SP140L: variants seen among roughly 807,000 people sequenced by gnomAD.
SP140L encodes SP140 like nuclear body protein, also known as nuclear body protein SP140-like protein.
A neutral mutation model predicts 84.3 loss-of-function variants in SP140L; 64 were observed. The observed-to-expected ratio is 0.76, with a 90% CI of 0.62 to 0.94. SP140L has a LOEUF of 0.94. Among genes scored for constraint, SP140L ranks in the 40% least tolerant of loss-of-function variants. The pLI is 0.00. For synonymous variants in SP140L, 242 were observed against 236.9 expected (o/e 1.02, Z -0.20); for missense variants, 628 against 692.5 (o/e 0.91, Z 1.05).
At chr2:230,383,650 C>A (rs2149793884) in intron 8 of SP140L, 75 bp downstream of exon 8, 1 of 1,439,478 alleles carries the variant, frequency 6.9e-7, no homozygotes, top group Non-Finnish European at 9.5e-7. Flanking sequence ...GGAAGGCCTG[C>A]AGTTCACGAG....
intron 2 of SP140L, among the ~76,000 whole-genome samples, chr2:230,355,535 G>T (rs1357080588): frequency 6.6e-6 from 1 of 152,090 alleles, no homozygotes; most frequent in Non-Finnish European, 1.5e-5. Context: ...TTTTCTCATA[G>T]AAATTGACAA....
intron 14 of SP140L, among the ~76,000 whole-genome samples, chr2:230,397,015 C>T (rs1184991528): frequency 1.3e-5 from 2 of 152,198 alleles, no homozygotes; most frequent in Non-Finnish European, 2.9e-5. Flanking sequence ...TCAGTGGAAA[C>T]CCTCCAATAT....
At chr2:230,391,505 T>C (rs2061803320) in intron 11 of SP140L, among the ~76,000 whole-genome samples, 1 of 152,252 alleles carries the variant, frequency 6.6e-6, no homozygotes. Context: ...AACTTAATTT[T>C]TCTATTAGGT....
chr2:230,362,159 A>G (rs1339981393), intron 5 of SP140L, among the ~76,000 whole-genome samples: 1 of 152,116 alleles, frequency 6.6e-6, no homozygotes, highest in African/African-American at 2.4e-5. Context: ...CCCCACACCA[A>G]CCAGTTCTTC....
At chr2:230,385,061 G>A (rs1240927392) in intron 8 of SP140L, among the ~76,000 whole-genome samples, 163 bp from the exon 9 acceptor site, 2 of 152,180 alleles carry the variant, frequency 1.3e-5, no homozygotes, top group African/African-American at 2.4e-5. Context: ...TAAATTCTGT[G>A]TGTAATTTAG....
intron 2 of SP140L, among the ~76,000 whole-genome samples, chr2:230,350,258 A>G (rs1247737011): frequency 6.6e-6 from 1 of 152,202 alleles, no homozygotes; most frequent in Non-Finnish European, 1.5e-5. Context: ...TAAAAATGGG[A>G]TCATAATGTA....
At chr2:230,356,075 A>C (rs1317758598) in intron 2 of SP140L, among the ~76,000 whole-genome samples, 2 of 152,230 alleles carry the variant, frequency 1.3e-5, no homozygotes, top group African/African-American at 4.8e-5. Flanking sequence ...CATGCTTGAC[A>C]TAATTTCCTG....
chr2:230,367,153 G>T (rs113504534), intron 5 of SP140L, among the ~76,000 whole-genome samples: 3,657 of 152,022 alleles, frequency 0.024, 146 homozygotes, highest in African/African-American at 0.083. Context: ...TTGCTTTGTG[G>T]TTAACATGAA....
intron 18 of SP140L, among the ~76,000 whole-genome samples, chr2:230,402,110 A>G (rs1261462770): frequency 1.3e-5 from 2 of 152,200 alleles, no homozygotes; most frequent in Non-Finnish European, 2.9e-5. Flanking sequence ...AGAGAAGAGA[A>G]TTTCATCTTA....
At chr2:230,381,364 G>A (rs1451408230) in intron 7 of SP140L, among the ~76,000 whole-genome samples, 1 of 152,034 alleles carries the variant, frequency 6.6e-6, no homozygotes, top group Admixed American at 6.6e-5. Context: ...AGCTTCCAAG[G>A]CTGCTTGCTA....
chr2:230,356,604 A>G (rs1253278570), intron 2 of SP140L, among the ~76,000 whole-genome samples: 3 of 151,804 alleles, frequency 2.0e-5, no homozygotes, highest in African/African-American at 4.8e-5. Flanking sequence ...TTCAGTATGC[A>G]GGTTCACAGG....
chr2:230,389,541 G>A (rs533264407), intron 10 of SP140L, among the ~76,000 whole-genome samples: 1 of 152,216 alleles, frequency 6.6e-6, no homozygotes, highest in East Asian at 1.9e-4. Flanking sequence ...ATGGTCTCTG[G>A]CTTCATCTCT....
chr2:230,371,003 C>A (rs780598843), intron 6 of SP140L, 36 bp downstream of exon 6: 2 of 1,588,536 alleles, frequency 1.3e-6, no homozygotes, highest in African/African-American at 2.7e-5. Flanking sequence ...TGGGGTGGCT[C>A]AGTGGGCCCC....
intron 7 of SP140L, among the ~76,000 whole-genome samples, chr2:230,381,709 T>C (rs1423203321): frequency 1.8e-5 from 2 of 110,470 alleles, no homozygotes; most frequent in African/African-American, 3.5e-5. Flanking sequence ...ACCCTGTCTC[T>C]CTACACACAC....
At chr2:230,355,432 A>G (rs1009813930) in intron 2 of SP140L, among the ~76,000 whole-genome samples, 2 of 152,196 alleles carry the variant, frequency 1.3e-5, no homozygotes, top group African/African-American at 4.8e-5. Flanking sequence ...TGGAGAAGCA[A>G]ACGATGCTAA....
At chr2:230,330,851 G>C (rs2059705717) in intron 2 of SP140L, among the ~76,000 whole-genome samples, 1 of 152,168 alleles carries the variant, frequency 6.6e-6, no homozygotes. Flanking sequence ...TTGCTGTTCT[G>C]AGTAGTGTGA....
intron 2 of SP140L, among the ~76,000 whole-genome samples, chr2:230,339,282 G>A (rs201932434): frequency 0.087 from 13,205 of 151,282 alleles, 762 homozygotes; most frequent in African/African-American, 0.19. Context: ...GTTTATTTGC[G>A]TAGAGGTGTT....
chr2:230,342,214 G>C (rs920103895), intron 2 of SP140L: 1 of 160,946 alleles, frequency 6.2e-6, no homozygotes, highest in Admixed American at 6.5e-5. Context: ...TTTTAAGCCC[G>C]TCGGAAAAGC....
chr2:230,356,161 A>G (rs989899102), intron 2 of SP140L, among the ~76,000 whole-genome samples: 7 of 152,218 alleles, frequency 4.6e-5, no homozygotes, highest in Non-Finnish European at 1.0e-4. Flanking sequence ...TAGAAAGGCC[A>G]TCACTGGTAG....
Sources: allele counts gnomAD v4.1 joint callset (sites outside exome capture counted in the v4.1 genomes callset), GRCh38; gene constraint gnomAD v4.1.1; transcripts MANE v1.5; gene names NCBI Gene and HGNC (gene_info 2026-07-23, HGNC 2026-07-21).